NTRK1: variants seen among roughly 807,000 people sequenced by gnomAD.
NTRK1 encodes high affinity nerve growth factor receptor.
NTRK1 carries 62 observed loss-of-function variants against 86.8 expected under a neutral mutation model. That is an observed-to-expected ratio of 0.71 (90% CI 0.58 to 0.88). The LOEUF is 0.88. NTRK1 is among the 40% of genes least tolerant of loss of function. The pLI is 0.00. For missense variants in NTRK1, 967 were observed against 1,078.4 expected (o/e 0.90, Z 1.45); for synonymous variants, 469 against 456.6 (o/e 1.03, Z -0.35).
chr1:156,874,683 C>A (rs2102910652), intron 10 of NTRK1, 57 bp downstream of exon 10: 2 of 1,532,380 alleles, frequency 1.3e-6, no homozygotes, highest in Non-Finnish European at 1.8e-6. Context: ...TGGGTAGAGG[C>A]TCATCTGCAT....
At chr1:156,863,404 A>G (rs1005458120) in intron 1 of NTRK1, among the ~76,000 whole-genome samples, 2 of 150,354 alleles carry the variant, frequency 1.3e-5, no homozygotes, top group African/African-American at 2.5e-5. Context: ...GAGCCTTTCC[A>G]TCTTTCTGTC....
intron 2 of NTRK1, among the ~76,000 whole-genome samples, chr1:156,853,030 T>C (rs369768616): frequency 2.6e-4 from 39 of 152,218 alleles, no homozygotes; most frequent in African/African-American, 9.1e-4. Context: ...CCTATAACGT[T>C]TTGCTTACTC....
At chr1:156,822,309 A>G (rs1654210477) in intron 1 of NTRK1, among the ~76,000 whole-genome samples, 1 of 152,214 alleles carries the variant, frequency 6.6e-6, no homozygotes, top group South Asian at 2.1e-4. Context: ...GGTCCCCTTC[A>G]AGATGGTAGT....
In NTRK1 at chr1:156,844,811, A is replaced by G. The variant is rs915893744; in HGVS notation, c.50+2618A>G. ...ACACTGTTCTTGCTGGAGGCCTCCC[A>G]GGCCACCTTTCCTGGAATACCATCA... is the stretch of plus-strand genomic sequence containing the variant. On this transcript the variant is annotated intron_variant, in intron 2 of 16. Coordinates refer to the NTRK1 transcript ENST00000392302. 8 of 1,614,014 alleles carry G rather than the reference A, an allele frequency of 5.0e-6. No homozygotes were observed. In the African/African-American group the frequency reaches 1.1e-4, roughly 22 times the overall value.
At chr1:156,841,436 T>A (rs1217859757) in intron 1 of NTRK1, 2 of 1,613,790 alleles carry the variant, frequency 1.2e-6, no homozygotes, top group African/African-American at 2.7e-5. Context: ...GACCCCGCCA[T>A]CCATGACGAA....
At chr1:156,873,570 G>T (rs1193099517) in intron 7 of NTRK1, 63 bp from the exon 8 acceptor site, 37 of 1,426,062 alleles carry the variant, frequency 2.6e-5, no homozygotes, top group Non-Finnish European at 3.3e-5. Context: ...GACTTGTCGG[G>T]TGTGTGCCAG....
At position 156,871,607 on chromosome 1, in the gene NTRK1, C is replaced by T. The variant is rs1372965132; in HGVS notation, c.718-16C>T. 1 of 1,614,086 alleles carries T rather than the reference C, an allele frequency of 6.2e-7. No individual in the cohort carries two copies. Among genetic ancestry groups the T allele is most frequent in the Non-Finnish European group, 8.5e-7 (1 of 1,179,994 alleles). On this transcript the variant is annotated splice_polypyrimidine_tract_variant and intron_variant, in intron 6 of 16. Transcript: ENST00000524377. ...CTAAAGCTCCTTCTTATTCCCCCCT[C>T]TCTTTCCTGATCTAGAAATCTGGGG...
At chr1:156,831,084 C>T (rs1654458218) in intron 1 of NTRK1, among the ~76,000 whole-genome samples, 1 of 152,216 alleles carries the variant, frequency 6.6e-6, no homozygotes, top group Non-Finnish European at 1.5e-5. Context: ...GTCATCCTCT[C>T]TCCTCAAGGG....
chr1:156,823,778 C>T (rs1654249563), intron 1 of NTRK1, among the ~76,000 whole-genome samples: 1 of 152,184 alleles, frequency 6.6e-6, no homozygotes, highest in Non-Finnish European at 1.5e-5. Context: ...GAAAAGCCAC[C>T]AAGTCCACTA....
chr1:156,841,431 C>T lies in NTRK1; in HGVS notation c.-63-650C>T, dbSNP rs748727844. 8.8e-5 allele frequency: 142 copies of T among 1,613,780 alleles called. No individual in the cohort carries two copies. Among genetic ancestry groups the T allele is most frequent in the Non-Finnish European group, 1.1e-4 (131 of 1,179,916 alleles). ...CAGCCCTCCAGCTCCTCCAGGACCCCGCCATCCATGACGAACTTCAGCACC... is the reference window on the plus strand; with the variant it reads ...CAGCCCTCCAGCTCCTCCAGGACCCTGCCATCCATGACGAACTTCAGCACC... On this transcript the variant is annotated intron_variant, in intron 1 of 16. Transcript: ENST00000392302.
Position 156,821,453 on chromosome 1 carries a change from C to CTGTGTG in NTRK1, c.-64+5651_-64+5656dup, listed in dbSNP as rs59579534. ...CCCCTCAGAGGCCCCCTAATTTAGC[C>CTGTGTG]TGTGTGTGTGTGTGTGTGTGTGTGT... On this transcript the variant is annotated intron_variant, in intron 1 of 16. Coordinates refer to the NTRK1 transcript ENST00000392302. 6.9e-3 allele frequency among the ~76,000 whole-genome samples: 949 copies of CTGTGTG among 138,000 alleles called. 11 individuals are homozygous for CTGTGTG. Among genetic ancestry groups the CTGTGTG allele is most frequent in the African/African-American group, 0.02 (725 of 36,036 alleles). 90.5% of individuals were successfully genotyped at this position (138,000 alleles called of 152,430 possible).
intron 1 of NTRK1, among the ~76,000 whole-genome samples, chr1:156,835,607 T>TA (rs1161502162): frequency 6.6e-6 from 1 of 152,226 alleles, no homozygotes; most frequent in Non-Finnish European, 1.5e-5. Flanking sequence ...CATGGAAATG[T>TA]AAAAAATGGC....
At chr1:156,865,009 C>T (rs1420461695) in intron 3 of NTRK1, 2 of 632,830 alleles carry the variant, frequency 3.2e-6, no homozygotes, top group South Asian at 3.5e-5. Context: ...CTTGCCATCT[C>T]ACTTCCATGG....
chr1:156,861,547 T>C (rs1195859823), intron 1 of NTRK1, among the ~76,000 whole-genome samples: 1 of 152,156 alleles, frequency 6.6e-6, no homozygotes. Flanking sequence ...TTTTTCCTTT[T>C]CTAGGGGCAA....
chr1:156,836,941 CAG>C (rs955782189), intron 1 of NTRK1, among the ~76,000 whole-genome samples: 3 of 152,196 alleles, frequency 2.0e-5, no homozygotes, highest in Non-Finnish European at 2.9e-5. Context: ...GCAGATATTT[CAG>C]AGTTAGGGAA....
chr1:156,818,666 T>G (rs1654096458), intron 1 of NTRK1, among the ~76,000 whole-genome samples: 1 of 152,174 alleles, frequency 6.6e-6, no homozygotes, highest in Non-Finnish European at 1.5e-5. Context: ...GTTCTTTTTT[T>G]GGCTGAGTAG....
rs776763103 is a variant in NTRK1, at chr1:156,871,652, G to C, written c.747G>C (p.Leu249=). ...MKSGGLPSLG[L]TLANVTSDLN... ...CTGGGGGTCTGCCATCCCTGGGGCT[G>C]ACCCTGGCCAATGTCACCAGTGACC... is the stretch of plus-strand genomic sequence containing the variant. The change falls in exon 7 of 17, where the codon CTG becomes CTC. Residue 249 remains leucine, a synonymous_variant. Coordinates refer to ENST00000524377, the MANE Select transcript of NTRK1 (RefSeq NM_002529.4). The C allele has an allele frequency of 6.2e-7, 1 of 1,613,986 alleles. No homozygotes were observed. The highest frequency in any genetic ancestry group is 1.3e-5 in the African/African-American group (1 of 74,892).
In NTRK1 at chr1:156,828,392, T is replaced by C. The variant is rs544401079; in HGVS notation, c.-64+12554T>C. Among the ~76,000 whole-genome samples, 7 of 152,296 alleles carry C rather than the reference T, an allele frequency of 4.6e-5. No homozygotes were observed. In the East Asian group the frequency reaches 1.2e-3, roughly 25 times the overall value. ...GCATGCAGGAGATGCTGAGTAACTATGTATTGACATTTTGAGGAAAAAAAA... is the reference window on the plus strand; with the variant it reads ...GCATGCAGGAGATGCTGAGTAACTACGTATTGACATTTTGAGGAAAAAAAA... On this transcript the variant is annotated intron_variant, in intron 1 of 16. Transcript: ENST00000392302.
rs2102909921 is a variant in NTRK1 at position 156,874,572 on chromosome 1, C to T, written c.1197C>T (p.Asp399=). ...CCCTCCTGCCCTGTGTCCCTACAGA[C>T]ACTAACAGCACATCTGGAGACCCGG... is the stretch of plus-strand genomic sequence containing the variant. ...DPIPVSFSPV[D]TNSTSGDPVE... is the part of the protein sequence containing the mutation. Residue 399 remains aspartate, a splice_region_variant and synonymous_variant, in exon 10 of 17, where the codon GAC becomes GAT. Transcript: ENST00000524377. The T allele has an allele frequency of 1.2e-6, 2 of 1,614,172 alleles. No homozygotes were observed. The highest frequency in any genetic ancestry group is 2.2e-5 in the East Asian group (1 of 44,876).
Sources: gnomAD v4.1 joint callset for allele counts (sites outside exome capture counted in the v4.1 genomes callset) on GRCh38, gnomAD v4.1.1 for gene constraint, MANE v1.5 for transcripts, NCBI Gene and HGNC (gene_info 2026-07-23, HGNC 2026-07-21) for gene names.